Variants in MYO7B observed in about 807,000 individuals in gnomAD.
The protein encoded by MYO7B is unconventional myosin-VIIb.
MYO7B carries 212 observed loss-of-function variants against 259.7 expected under a neutral mutation model. The ratio of observed to expected loss-of-function variants is 0.82; its 90% CI spans 0.73 to 0.91. The LOEUF is 0.91. Ranked by LOEUF, MYO7B falls within the 40% of genes least tolerant of loss-of-function variation. The pLI is 0.00. For synonymous variants in MYO7B, 1,197 were observed against 1,166.4 expected (o/e 1.03, Z -0.54); for missense variants, 2,732 against 2,813.5 (o/e 0.97, Z 0.66).
At chr2:127,600,964 T>C (rs1558827069) in intron 19 of MYO7B, among the ~76,000 whole-genome samples, 1 of 152,270 alleles carries the variant, frequency 6.6e-6, no homozygotes, top group Non-Finnish European at 1.5e-5. Context: ...ATCTCTGTCT[T>C]AGCACTGCTT....
intron 1 of MYO7B, among the ~76,000 whole-genome samples, chr2:127,554,272 C>T (rs892945008): frequency 2.0e-5 from 3 of 152,090 alleles, no homozygotes; most frequent in African/African-American, 2.4e-5. Flanking sequence ...CAGGGTTTCT[C>T]CATGTTGGTC....
Position 127,576,935 on chromosome 2 carries a change from C to T in MYO7B, c.849+227C>T, listed in dbSNP as rs1274948270. Reference sequence around the variant, plus strand: ...TGTACCCCATGCCCCAGGCTGGACCCGGGGCCTCCCCGCAGACCTCATCTT... The same window carrying T: ...TGTACCCCATGCCCCAGGCTGGACCTGGGGCCTCCCCGCAGACCTCATCTT... On this transcript the variant is annotated intron_variant, in intron 8 of 47. Transcript: ENST00000409816. The surrounding 1 kb of genome is among the most constrained non-coding windows in gnomAD (Gnocchi z 4.9). 3.9e-5 allele frequency among the ~76,000 whole-genome samples: 6 copies of T among 152,160 alleles called. No homozygotes were observed. Among genetic ancestry groups the T allele is most frequent in the African/African-American group, 1.4e-4 (6 of 41,452 alleles).
intron 1 of MYO7B, among the ~76,000 whole-genome samples, chr2:127,551,436 C>T (rs532973371): frequency 2.6e-5 from 4 of 152,324 alleles, no homozygotes; most frequent in African/African-American, 7.2e-5. Flanking sequence ...TCCTCACAAC[C>T]TCCAGGCTCC....
chr2:127,633,420 ATCC>A (rs1681629668), intron 40 of MYO7B, 57 bp downstream of exon 40: 3 of 1,545,680 alleles, frequency 1.9e-6, no homozygotes, highest in Non-Finnish European at 2.7e-6. Flanking sequence ...GCCATGGGGC[ATCC>A]TCCTTCCTGG....
rs965549342 is a variant in MYO7B, at chr2:127,609,239, C to T, written c.2815-267C>T. Among the ~76,000 whole-genome samples, 8 of 151,942 alleles carry T rather than the reference C, an allele frequency of 5.3e-5. No homozygotes were observed. The highest frequency in any genetic ancestry group is 3.9e-4 in the East Asian group (2 of 5,120). ...GAAGCTGCAGTGAGGATGGTGCATGCGGCAGAGGACACAGTGTCTGAGCGT... is the reference window on the plus strand; with the variant it reads ...GAAGCTGCAGTGAGGATGGTGCATGTGGCAGAGGACACAGTGTCTGAGCGT... On this transcript the variant is annotated intron_variant, in intron 22 of 47. Coordinates refer to ENST00000409816, the MANE Select transcript of MYO7B (RefSeq NM_001393586.1). The surrounding 1 kb of genome is among the most constrained non-coding windows in gnomAD (Gnocchi z 6.9).
rs1681444208 is a variant in MYO7B, at chr2:127,630,827, G to A, written c.4856G>A (p.Gly1619Glu). Reference protein sequence around the residue: ...PEKRKLAAQEGQFTEPRPEEP... With the variant: ...PEKRKLAAQEEQFTEPRPEEP... Reference sequence around the variant, plus strand: ...AAGAGGAAGCTGGCGGCTCAGGAGGGGCAGTTCACAGAGCCACGTCCTGAG... The same window carrying A: ...AAGAGGAAGCTGGCGGCTCAGGAGGAGCAGTTCACAGAGCCACGTCCTGAG... Residue 1619 changes from glycine (G) to glutamate (E), a missense_variant, in exon 36 of 48, where the codon GGG becomes GAG. Gly to Glu is a moderately conservative substitution (Grantham distance 98). Transcript: ENST00000409816. The A allele has an allele frequency of 2.5e-6, 4 of 1,613,026 alleles. No homozygotes were observed. Among genetic ancestry groups the A allele is most frequent in the African/African-American group, 1.3e-5 (1 of 75,032 alleles).
chr2:127,537,614 T>C (rs2104778384), intron 1 of MYO7B, among the ~76,000 whole-genome samples: 1 of 151,762 alleles, frequency 6.6e-6, no homozygotes, highest in East Asian at 1.9e-4. Flanking sequence ...GGTGGGAGGA[T>C]TGCTTGAGCC....
intron 19 of MYO7B, 69 bp from the exon 20 acceptor site, chr2:127,605,775 T>C: frequency 7.1e-7 from 1 of 1,415,084 alleles, no homozygotes; most frequent in East Asian, 2.3e-5. Flanking sequence ...TCCAAACCAG[T>C]TTTTCTCCCT....
intron 19 of MYO7B, among the ~76,000 whole-genome samples, chr2:127,598,503 G>A (rs1425805904): frequency 6.6e-6 from 1 of 152,142 alleles, no homozygotes; most frequent in Non-Finnish European, 1.5e-5. Flanking sequence ...TCAGCTATGT[G>A]GTTTGTGAAT....
Position 127,590,015 on chromosome 2 carries a change from C to T in MYO7B, c.1855-77C>T. 1 of 1,500,378 alleles carries T rather than the reference C, an allele frequency of 6.7e-7. No individual in the cohort carries two copies. Among genetic ancestry groups the T allele is most frequent in the South Asian group, 1.2e-5 (1 of 81,662 alleles). 92.9% of individuals were successfully genotyped at this position (1,500,378 alleles called of 1,614,324 possible). A position where few individuals can be genotyped will look rare whatever the true frequency, so the allele number is the denominator to read the frequency against. ...CCACCTGTGGGGCCTTGGCCGCAAC[C>T]CTTGCTGGCCTACAGGGTCAGCTGT... On this transcript the variant is annotated intron_variant, in intron 15 of 47. Coordinates refer to ENST00000409816, the MANE Select transcript of MYO7B (RefSeq NM_001393586.1). This position sits in a 1 kb window ranked among gnomAD's most constrained non-coding sequence, Gnocchi z 4.6.
At chr2:127,568,353 C>A (rs943718157) in intron 5 of MYO7B, among the ~76,000 whole-genome samples, 1 of 152,234 alleles carries the variant, frequency 6.6e-6, no homozygotes, top group African/African-American at 2.4e-5. Context: ...TTGCAGTGAG[C>A]AGAATGTCAC....
chr2:127,632,373 T>G lies in MYO7B; in HGVS notation c.5377T>G (p.Cys1793Gly). The change falls in exon 39 of 48, where the codon TGC becomes GGC. Residue 1793 changes from cysteine (C) to glycine (G), a missense_variant. Physicochemically the swap from Cys to Gly is radical, Grantham distance 159. Transcript: ENST00000409816. ...GAGGGGGAAGCTGCTGGCCCCCGAC[T>G]GCAGCCGCCGAATCCAGAAGGTCCT... is the stretch of plus-strand genomic sequence containing the variant. ...TRRGKLLAPD[C>G]SRRIQKVLRT... 1 of 1,580,816 alleles carries G rather than the reference T, an allele frequency of 6.3e-7. No homozygotes were observed. The highest frequency in any genetic ancestry group is 1.3e-5 in the African/African-American group (1 of 74,096).
Position 127,573,977 on chromosome 2 carries a change from T to C in MYO7B, c.650T>C (p.Ile217Thr), listed in dbSNP as rs775433547. The change falls in exon 7 of 48, where the codon ATT becomes ACT. Residue 217 changes from isoleucine to threonine, a missense_variant. Physicochemically the swap from Ile to Thr is moderately conservative, Grantham distance 89. Coordinates refer to ENST00000409816, the MANE Select transcript of MYO7B (RefSeq NM_001393586.1). ...AACTCAAGCCGCTTTGGGAAGTACA[T>C]TGACATCTACTTTAACCCCAGCGGG... ...NDNSSRFGKY[I>T]DIYFNPSGVI... 5.6e-6 allele frequency: 9 copies of C among 1,613,906 alleles called. No homozygotes were observed. The highest frequency in any genetic ancestry group is 7.6e-6 in the Non-Finnish European group (9 of 1,179,902).
At position 127,630,929 on chromosome 2, in the gene MYO7B, G is replaced by A. The variant is rs375991043; in HGVS notation, c.4937+21G>A. On this transcript the variant is annotated intron_variant, in intron 36 of 47. Transcript: ENST00000409816. ...TTCAGGTGCCCCCCAGCCCCGCTCC[G>A]CCTCATTGCACCCCCACCTCCCAGC... 5.9e-4 allele frequency: 905 copies of A among 1,542,596 alleles called. 1 individual carries two copies. In the African/African-American group the frequency reaches 5.9e-3, roughly 10 times the overall value.
Position 127,611,637 on chromosome 2 carries a change from G to A in MYO7B, c.3193-613G>A, listed in dbSNP as rs1180662278. 1.3e-5 allele frequency among the ~76,000 whole-genome samples: 2 copies of A among 152,124 alleles called. No homozygotes were observed. On this transcript the variant is annotated intron_variant, in intron 24 of 47. Transcript: ENST00000409816. The surrounding 1 kb of genome is among the most constrained non-coding windows in gnomAD (Gnocchi z 5.4). ...CTGGTGCCTGGCCCTGGACCAGGCT[G>A]ACCCCCACCCAAGCTCAGTCCCACA...
intron 3 of MYO7B, among the ~76,000 whole-genome samples, chr2:127,565,020 C>G (rs1215425406): frequency 6.6e-6 from 1 of 152,246 alleles, no homozygotes; most frequent in Non-Finnish European, 1.5e-5. Context: ...TAGACCCATG[C>G]TGACCCAGCC....
chr2:127,602,111 T>A (rs1172664548), intron 19 of MYO7B, among the ~76,000 whole-genome samples: 1 of 152,234 alleles, frequency 6.6e-6, no homozygotes, highest in East Asian at 1.9e-4. Flanking sequence ...ATTTAAAAAT[T>A]TTTAAGTATT....
At chr2:127,625,346 G>A (rs570829267) in intron 30 of MYO7B, 22 bp from the exon 31 acceptor site, 12 of 1,505,064 alleles carry the variant, frequency 8.0e-6, no homozygotes, top group South Asian at 2.6e-5. Context: ...ACTCGCCCCC[G>A]TGGGTGCCCT....
In MYO7B at chr2:127,635,973, C is replaced by T. The variant is rs1454377041; in HGVS notation, c.6006+66C>T. 5 of 1,497,398 alleles carry T rather than the reference C, an allele frequency of 3.3e-6. No homozygotes were observed. The African/African-American group carries it at 5.6e-5, about 17-fold the overall frequency. 92.8% of individuals were successfully genotyped at this position (1,497,398 alleles called of 1,614,324 possible). The stretch of plus-strand genomic sequence containing the variant: ...CCTCCCTGGGCCCCTGCACCAGTGC[C>T]ATGCCCTGCCTGGGCTCCAAGATCA... On this transcript the variant is annotated intron_variant, in intron 44 of 47. Transcript: ENST00000409816.
Sources: allele counts gnomAD v4.1 joint callset (sites outside exome capture counted in the v4.1 genomes callset), GRCh38; gene constraint gnomAD v4.1.1; non-coding constraint Gnocchi (gnomAD v3.1); transcripts MANE v1.5; gene names NCBI Gene and HGNC (gene_info 2026-07-23, HGNC 2026-07-21).